Variants in EGLN3 observed in about 807,000 individuals in gnomAD.
EGLN3 encodes the protein prolyl hydroxylase EGLN3.
Under a neutral mutation model 26.0 loss-of-function variants are expected in EGLN3, and 15 were observed. That is an observed-to-expected ratio of 0.58 (90% CI 0.39 to 0.89). The LOEUF (loss-of-function observed/expected upper bound fraction) is 0.89, where lower values mean the gene tolerates loss of function less well. Among genes scored for constraint, EGLN3 ranks in the 40% least tolerant of loss-of-function variants. The pLI, the probability that EGLN3 is intolerant of heterozygous loss-of-function variation, is 0.00. For missense variants in EGLN3, 238 were observed against 311.6 expected (o/e 0.76, Z 1.78); for synonymous variants, 147 against 127.2 (o/e 1.16, Z -1.05).
At chr14:33,930,994 G>A in intron 2 of EGLN3, 102 bp downstream of exon 2, 1 of 1,487,406 alleles carries the variant, frequency 6.7e-7, no homozygotes, top group South Asian at 1.3e-5. Flanking sequence ...ATCAGTGGGA[G>A]ATACGGCAAC....
chr14:33,929,150 G>C lies in EGLN3; in HGVS notation c.540C>G (p.Pro180=). ...EGKSFIADVE[P]IFDRLLFFWS... is the part of the protein sequence containing the mutation. ...AGAAGAACAGGAGTCTGTCAAAAAT[G>C]GGCTCCACATCTGCTATGAATGATT... The change falls in exon 3 of 5, where the codon CCC becomes CCG. Residue 180 remains proline, a synonymous_variant. Transcript: ENST00000250457. 1 of 1,614,170 alleles carries C rather than the reference G, an allele frequency of 6.2e-7. No homozygotes were observed. Among genetic ancestry groups the C allele is most frequent in the Non-Finnish European group, 8.5e-7 (1 of 1,180,020 alleles).
At chr14:33,930,352 C>T (rs533372378) in intron 2 of EGLN3, among the ~76,000 whole-genome samples, 1 of 152,284 alleles carries the variant, frequency 6.6e-6, no homozygotes, top group South Asian at 2.1e-4. Flanking sequence ...GTTTTTCTGA[C>T]TCTGGATAAA....
At position 33,925,588 on chromosome 14, in the gene EGLN3, G is replaced by T. The variant is rs1024331665; in HGVS notation, c.*303C>A. 2.9e-6 allele frequency: 1 copy of T among 346,302 alleles called. No individual in the cohort carries two copies. Among genetic ancestry groups the T allele is most frequent in the Non-Finnish European group, 5.3e-6 (1 of 187,792 alleles). The allele number at this position is 346,302 out of a possible 1,614,324, so 21.5% of individuals were successfully genotyped here. A position where few individuals can be genotyped will look rare whatever the true frequency, so the allele number is the denominator to read the frequency against. On this transcript the variant is annotated 3_prime_UTR_variant, in exon 5 of 5. Transcript: ENST00000250457. The stretch of plus-strand genomic sequence containing the variant: ...CAAGTAAGGTTCATTCCCTCGCTGT[G>T]CTCCTAGGCTCTTCTCTTGATAGTA...
Position 33,950,730 on chromosome 14 carries a change from C to T in EGLN3, c.23G>A (p.Arg8Lys), listed in dbSNP as rs942463025. 2 of 1,613,156 alleles carry T rather than the reference C, an allele frequency of 1.2e-6. No homozygotes were observed. The highest frequency in any genetic ancestry group is 1.7e-6 in the Non-Finnish European group (2 of 1,179,502). ...CAGGGCAATTTTCTCCAGGTCCAGC[C>T]TCATGATGTGTCCCAGGGGCATCTC... MPLGHIM[R>K]LDLEKIALEY... is the part of the protein sequence containing the mutation. The change falls in exon 1 of 5, where the codon AGG (arginine) becomes AAG (lysine). Residue 8 changes from arginine (R) to lysine (K), a missense_variant. Physicochemically the swap from Arg to Lys is conservative, Grantham distance 26. Transcript: ENST00000250457.
Position 33,924,445 on chromosome 14 carries a change from A to G in EGLN3, c.*1446T>C, listed in dbSNP as rs940740189. The G allele has an allele frequency of 2.6e-5, 4 of 152,204 alleles. No individual in the cohort carries two copies. The highest frequency in any genetic ancestry group is 1.3e-4 in the Admixed American group (2 of 15,268). The allele number at this position is 152,204 out of a possible 1,614,324, so 9.4% of individuals were successfully genotyped here. On this transcript the variant is annotated 3_prime_UTR_variant, in exon 5 of 5. Transcript: ENST00000250457. ...GTGATAACTATTACCGTACAACAAA[A>G]TAGAGCAGTCGTTGAGAATTAATGG... is the stretch of plus-strand genomic sequence containing the variant.
At position 33,926,556 on chromosome 14, in the gene EGLN3, A is replaced by G. The variant is rs73246213; in HGVS notation, c.688+404T>C. Reference sequence around the variant, plus strand: ...TGCTGTTATATTCAGTTTATATTACATGAGCCCTGCTGTTATACTGAGAGT... The same window carrying G: ...TGCTGTTATATTCAGTTTATATTACGTGAGCCCTGCTGTTATACTGAGAGT... On this transcript the variant is annotated intron_variant, in intron 4 of 4. Coordinates refer to ENST00000250457, the MANE Select transcript of EGLN3 (RefSeq NM_022073.4). Among the ~76,000 whole-genome samples, 105 of 152,302 alleles carry G rather than the reference A, an allele frequency of 6.9e-4. 1 individual carries two copies. Among genetic ancestry groups the G allele is most frequent in the African/African-American group, 2.4e-3 (100 of 41,564 alleles).
At chr14:33,931,496 C>T (rs1769820151) in intron 1 of EGLN3, among the ~76,000 whole-genome samples, 1 of 152,152 alleles carries the variant, frequency 6.6e-6, no homozygotes, top group African/African-American at 2.4e-5. Flanking sequence ...ATCTGCATGC[C>T]CTGTTTGCAT....
chr14:33,938,681 A>G (rs2064459254), intron 1 of EGLN3, among the ~76,000 whole-genome samples: 1 of 152,226 alleles, frequency 6.6e-6, no homozygotes, highest in African/African-American at 2.4e-5. Context: ...TAAGGACATC[A>G]AGACGCATTT....
At chr14:33,942,107 G>A (rs2064487299) in intron 1 of EGLN3, among the ~76,000 whole-genome samples, 1 of 152,102 alleles carries the variant, frequency 6.6e-6, no homozygotes, top group South Asian at 2.1e-4. Flanking sequence ...TACATGATTA[G>A]AATTGGAATT....
chr14:33,950,788 TG>T lies in EGLN3; in HGVS notation c.-37del. Reference sequence around the variant, plus strand: ...GAATCGAGGTCCGGGATCCCCAGCGTGCAACCAGAGAGGGAACGATCTACAC... The same window carrying T: ...GAATCGAGGTCCGGGATCCCCAGCGTCAACCAGAGAGGGAACGATCTACAC... On this transcript the variant is annotated 5_prime_UTR_variant, in exon 1 of 5. Coordinates refer to ENST00000250457, the MANE Select transcript of EGLN3 (RefSeq NM_022073.4). The T allele has an allele frequency of 6.4e-7, 1 of 1,556,584 alleles. No homozygotes were observed. The highest frequency in any genetic ancestry group is 1.4e-5 in the African/African-American group (1 of 73,308).
chr14:33,933,272 G>A (rs1402427942), intron 1 of EGLN3, among the ~76,000 whole-genome samples: 6 of 149,834 alleles, frequency 4.0e-5, no homozygotes, highest in African/African-American at 1.5e-4. Flanking sequence ...GGTCATTAAG[G>A]AGTGTTTCTC....
chr14:33,939,510 G>A (rs2064467932), intron 1 of EGLN3, among the ~76,000 whole-genome samples: 1 of 106,452 alleles, frequency 9.4e-6, no homozygotes, highest in South Asian at 2.9e-4. Context: ...GCGCCCGGCC[G>A]AAACAATCTT....
intron 4 of EGLN3, 104 bp downstream of exon 4, chr14:33,926,856 T>C: frequency 1.3e-6 from 1 of 775,150 alleles, no homozygotes; most frequent in East Asian, 3.3e-5. Context: ...TATATAAAGC[T>C]AAGCCGTAAC....
rs2064550142 is a variant in EGLN3, at chr14:33,950,405, CTCCTTGACGTAGTATTT to C, written c.331_347del (p.Lys111GlufsTer3). 6.2e-7 allele frequency: 1 copy of C among 1,613,038 alleles called. No individual in the cohort carries two copies. Among genetic ancestry groups the C allele is most frequent in the Non-Finnish European group, 8.5e-7 (1 of 1,180,038 alleles). ...GCCGAGCGCGTCCTACCTTAGACCT[CTCCTTGACGTAGTATTT>C]GCCCAGCCGGCTCCCGCAGTAGAGG... On this transcript the variant is annotated frameshift_variant, in exon 1 of 5. Coordinates refer to ENST00000250457, the MANE Select transcript of EGLN3 (RefSeq NM_022073.4). LOFTEE classifies it high-confidence loss of function.
intron 2 of EGLN3, among the ~76,000 whole-genome samples, chr14:33,929,735 C>T (rs2064388808): frequency 1.3e-5 from 2 of 152,124 alleles, no homozygotes; most frequent in African/African-American, 2.4e-5. Context: ...CCACCCCCCA[C>T]AGTCATAAAG....
intron 3 of EGLN3, among the ~76,000 whole-genome samples, chr14:33,927,791 CA>C (rs1199400125): frequency 6.6e-6 from 1 of 152,146 alleles, no homozygotes; most frequent in African/African-American, 2.4e-5. Context: ...ATGTAAATCA[CA>C]GTATGTTTAA....
chr14:33,948,036 A>C (rs2064530361), intron 1 of EGLN3, among the ~76,000 whole-genome samples: 1 of 152,050 alleles, frequency 6.6e-6, no homozygotes, highest in Admixed American at 6.5e-5. Flanking sequence ...ATCTCAAAAA[A>C]ATAATAATAA....
At chr14:33,948,156 T>C (rs900966180) in intron 1 of EGLN3, 2 of 152,140 alleles carry the variant, frequency 1.3e-5, no homozygotes, top group Non-Finnish European at 2.9e-5. Context: ...GGAGCTCAGC[T>C]GAGGGATAAA....
chr14:33,932,140 A>G (rs1009828004), intron 1 of EGLN3, among the ~76,000 whole-genome samples: 2 of 152,222 alleles, frequency 1.3e-5, no homozygotes, highest in African/African-American at 4.8e-5. Context: ...TGCAAGGAAA[A>G]TATTAGAACC....
Sources: allele counts gnomAD v4.1 joint callset (sites outside exome capture counted in the v4.1 genomes callset), GRCh38; gene constraint gnomAD v4.1.1; transcripts MANE v1.5; gene names NCBI Gene and HGNC (gene_info 2026-07-23, HGNC 2026-07-21).